LRRC7: variants seen among roughly 807,000 people sequenced by gnomAD.
LRRC7 encodes leucine rich repeat containing 7, also known as leucine-rich repeat-containing protein 7.
A neutral mutation model predicts 175.7 loss-of-function variants in LRRC7; 23 were observed. The ratio of observed to expected loss-of-function variants is 0.13; its 90% CI spans 0.09 to 0.19. LRRC7 has a LOEUF of 0.19. Among genes scored for constraint, LRRC7 ranks in the 10% least tolerant of loss-of-function variants. The pLI is 1.00. For missense variants in LRRC7, 1,354 were observed against 1,904.7 expected (o/e 0.71, Z 5.38); for synonymous variants, 685 against 680.9 (o/e 1.01, Z -0.09).
At chr1:70,110,556 A>G (rs1665458813) in intron 26 of LRRC7, among the ~76,000 whole-genome samples, 1 of 152,164 alleles carries the variant, frequency 6.6e-6, no homozygotes, top group Non-Finnish European at 1.5e-5. Context: ...TGGATTCCTC[A>G]TGCAAGAAGT....
At chr1:69,656,279 A>T (rs766308377) in intron 1 of LRRC7, among the ~76,000 whole-genome samples, 2 of 152,038 alleles carry the variant, frequency 1.3e-5, no homozygotes, top group Admixed American at 6.6e-5. Flanking sequence ...ATTCCTGAAA[A>T]TTTGAGTTCT....
At chr1:69,963,019 C>G (rs1400141163) in intron 8 of LRRC7, among the ~76,000 whole-genome samples, 2 of 151,814 alleles carry the variant, frequency 1.3e-5, no homozygotes, top group Non-Finnish European at 2.9e-5. Context: ...AGAAGAAGAA[C>G]AAGGGTCAGG....
At chr1:69,879,573 G>A (rs1029589231) in intron 7 of LRRC7, 5 of 152,354 alleles carry the variant, frequency 3.3e-5, no homozygotes, top group African/African-American at 1.2e-4. Context: ...AGCGCTGGTT[G>A]GAAATACTGC....
chr1:70,072,488 T>C (rs1205597890), intron 23 of LRRC7, among the ~76,000 whole-genome samples: 2 of 152,240 alleles, frequency 1.3e-5, no homozygotes, highest in African/African-American at 4.8e-5. Context: ...TTGTTTAACT[T>C]TATTTAAAAA....
intron 22 of LRRC7, among the ~76,000 whole-genome samples, chr1:70,046,094 C>G (rs1013130391): frequency 1.3e-5 from 2 of 152,028 alleles, no homozygotes; most frequent in Admixed American, 1.3e-4. Context: ...GCCTGAACCC[C>G]CCTGAAGTTA....
intron 25 of LRRC7, among the ~76,000 whole-genome samples, chr1:70,105,652 A>G (rs1433598458): frequency 6.6e-6 from 1 of 152,188 alleles, no homozygotes; most frequent in Non-Finnish European, 1.5e-5. Context: ...TGGATTTACT[A>G]TAATTTCTTT....
At chr1:69,768,246 A>G (rs1233483391) in intron 3 of LRRC7, among the ~76,000 whole-genome samples, 1 of 152,168 alleles carries the variant, frequency 6.6e-6, no homozygotes, top group Non-Finnish European at 1.5e-5. Flanking sequence ...TGACTGGTAA[A>G]TGGGCTCTGA....
chr1:69,919,741 G>A lies in LRRC7; in HGVS notation c.648-11766G>A. 4.1e-6 allele frequency: 4 copies of A among 982,852 alleles called. No homozygotes were observed. In the South Asian group the frequency reaches 5.6e-5, roughly 14 times the overall value. The allele number at this position is 982,852 out of a possible 1,614,324, so 60.9% of individuals were successfully genotyped here. ...GTGCCTTCAGCAAAGGTCAGATGCAGAAGCCATTTGAAGACCCCTGGTTTG... is the reference window on the plus strand; with the variant it reads ...GTGCCTTCAGCAAAGGTCAGATGCAAAAGCCATTTGAAGACCCCTGGTTTG... On this transcript the variant is annotated intron_variant, in intron 7 of 26. Transcript: ENST00000651989.
At chr1:69,600,179 T>C (rs1315171136) in intron 1 of LRRC7, among the ~76,000 whole-genome samples, 1 of 152,218 alleles carries the variant, frequency 6.6e-6, no homozygotes, top group South Asian at 2.1e-4. Context: ...TTCCTCTTTA[T>C]TATCATGTAT....
At chr1:69,726,588 G>A (rs1030331680) in intron 2 of LRRC7, among the ~76,000 whole-genome samples, 1 of 152,116 alleles carries the variant, frequency 6.6e-6, no homozygotes, top group Non-Finnish European at 1.5e-5. Context: ...GAAGAACAGA[G>A]ATCTGGGCTA....
At chr1:69,987,368 G>T (rs937861707) in intron 10 of LRRC7, among the ~76,000 whole-genome samples, 1 of 152,196 alleles carries the variant, frequency 6.6e-6, no homozygotes, top group Non-Finnish European at 1.5e-5. Flanking sequence ...TACGAAAAGG[G>T]TAATCATTAA....
intron 7 of LRRC7, among the ~76,000 whole-genome samples, chr1:69,921,675 C>T (rs974264882): frequency 6.6e-6 from 1 of 152,146 alleles, no homozygotes; most frequent in Non-Finnish European, 1.5e-5. Flanking sequence ...TGTTATCTGG[C>T]CTTATGGCTA....
At chr1:69,693,824 A>T (rs763319203) in intron 2 of LRRC7, among the ~76,000 whole-genome samples, 11 of 152,196 alleles carry the variant, frequency 7.2e-5, no homozygotes, top group Non-Finnish European at 1.6e-4. Context: ...AATTGCTCCC[A>T]TAGTCAATCT....
intron 2 of LRRC7, among the ~76,000 whole-genome samples, chr1:69,686,446 A>C (rs569676261): frequency 6.6e-6 from 1 of 152,328 alleles, no homozygotes; most frequent in East Asian, 1.9e-4. Context: ...TAAGTCAATT[A>C]ATATTTAAAA....
intron 1 of LRRC7, among the ~76,000 whole-genome samples, chr1:69,627,259 C>T (rs1430431997): frequency 6.6e-6 from 1 of 151,970 alleles, no homozygotes; most frequent in East Asian, 1.9e-4. Flanking sequence ...TTTTAATGAT[C>T]ACCATTCTAA....
chr1:70,111,914 A>G (rs545091569), intron 26 of LRRC7, among the ~76,000 whole-genome samples: 18 of 152,290 alleles, frequency 1.2e-4, no homozygotes, highest in African/African-American at 3.8e-4. Flanking sequence ...GCCAATAACC[A>G]AAACAGATTT....
chr1:69,731,765 G>C (rs1416332384), intron 2 of LRRC7, among the ~76,000 whole-genome samples: 1 of 152,104 alleles, frequency 6.6e-6, no homozygotes, highest in Non-Finnish European at 1.5e-5. Flanking sequence ...ATCTATACAA[G>C]GATTCTCTAT....
chr1:69,690,647 A>T (rs1247323373), intron 2 of LRRC7, among the ~76,000 whole-genome samples: 2 of 152,212 alleles, frequency 1.3e-5, no homozygotes, highest in African/African-American at 4.8e-5. Flanking sequence ...CTGTTAAAGG[A>T]CCAACAGGTT....
At chr1:69,879,201 T>C (rs1336136008) in intron 7 of LRRC7, among the ~76,000 whole-genome samples, 2 of 82,746 alleles carry the variant, frequency 2.4e-5, no homozygotes, top group African/African-American at 1.2e-4. Flanking sequence ...GCTGTAAACC[T>C]AAAACTGCTT....
Sources: allele counts gnomAD v4.1 joint callset (sites outside exome capture counted in the v4.1 genomes callset), GRCh38; gene constraint gnomAD v4.1.1; transcripts MANE v1.5; gene names NCBI Gene and HGNC (gene_info 2026-07-23, HGNC 2026-07-21).